PALM2AKAP2: variants seen among roughly 807,000 people sequenced by gnomAD.
The protein encoded by PALM2AKAP2 is PALM2-AKAP2 fusion protein.
A neutral mutation model predicts 71.5 loss-of-function variants in PALM2AKAP2; 37 were observed. The observed-to-expected ratio is 0.52, with a 90% confidence interval of 0.40 to 0.68. The LOEUF (loss-of-function observed/expected upper bound fraction) is 0.68, where lower values mean the gene tolerates loss of function less well. Among genes scored for constraint, PALM2AKAP2 ranks in the 30% least tolerant of loss-of-function variants. PALM2AKAP2 has a pLI of 0.00. For missense variants in PALM2AKAP2, 1,224 were observed against 1,191.8 expected, an observed-to-expected ratio of 1.03 and a Z score of -0.40; for synonymous variants, 468 against 478.8, an observed-to-expected ratio of 0.98 and a Z score of 0.29.
intron 1 of PALM2AKAP2, among the ~76,000 whole-genome samples, chr9:109,707,021 CTAAG>C (rs1564120194): frequency 2.0e-5 from 3 of 152,180 alleles, no homozygotes; most frequent in Admixed American, 6.5e-5. Context: ...GACTAGTACA[CTAAG>C]TGAGTGAGCT....
intron 1 of PALM2AKAP2, among the ~76,000 whole-genome samples, chr9:109,802,931 G>A (rs1384356600): frequency 6.7e-6 from 1 of 149,200 alleles, no homozygotes; most frequent in Non-Finnish European, 1.5e-5. Context: ...TGATGGATCA[G>A]GAAAGGTAGG....
chr9:109,696,515 AT>A (rs538789272), intron 1 of PALM2AKAP2, among the ~76,000 whole-genome samples: 6 of 152,198 alleles, frequency 3.9e-5, no homozygotes, highest in Non-Finnish European at 8.8e-5. Context: ...TTGGAGAGCA[AT>A]TTGGCAATAT....
chr9:109,783,507 C>G (rs1195374996), intron 1 of PALM2AKAP2, among the ~76,000 whole-genome samples: 1 of 152,060 alleles, frequency 6.6e-6, no homozygotes. Flanking sequence ...CCATGTTGCC[C>G]AGGCTGGTCT....
intron 3 of PALM2AKAP2, among the ~76,000 whole-genome samples, chr9:109,886,206 G>C (rs1829961049): frequency 6.6e-6 from 1 of 152,068 alleles, no homozygotes; most frequent in African/African-American, 2.4e-5. Context: ...ATTGTTTCTG[G>C]CTTGGGCCCA....
At chr9:109,705,012 C>T (rs1436641189) in intron 1 of PALM2AKAP2, among the ~76,000 whole-genome samples, 2 of 152,286 alleles carry the variant, frequency 1.3e-5, no homozygotes, top group African/African-American at 4.8e-5. Flanking sequence ...TTCCTAACTA[C>T]ATCTGGAAAA....
chr9:109,642,879 T>C (rs1287949824), intron 1 of PALM2AKAP2, among the ~76,000 whole-genome samples: 2 of 147,748 alleles, frequency 1.4e-5, no homozygotes, highest in Non-Finnish European at 3.0e-5. Context: ...AAGAAATACA[T>C]GGTGTGGTGG....
At chr9:109,962,086 G>A (rs139213466) in intron 6 of PALM2AKAP2, among the ~76,000 whole-genome samples, 392 of 152,314 alleles carry the variant, frequency 2.6e-3, no homozygotes, top group African/African-American at 8.7e-3. Flanking sequence ...TCCAACAACA[G>A]CCAAGAAGCA....
chr9:109,943,604 A>G, intron 6 of PALM2AKAP2: 2 of 792,198 alleles, frequency 2.5e-6, no homozygotes, highest in Non-Finnish European at 4.0e-6. Context: ...GACAACGTGC[A>G]TGTGTGTGCT....
rs1414268640 is a variant in PALM2AKAP2 at position 109,974,366 on chromosome 9, G to A, written c.497-41588G>A. Reference sequence around the variant, plus strand: ...TGGCAGGAACCTACCATGTGCTTCCGACTAGTGAGTCTGACCCAAAGCCCT... The same window carrying A: ...TGGCAGGAACCTACCATGTGCTTCCAACTAGTGAGTCTGACCCAAAGCCCT... On this transcript the variant is annotated intron_variant, in intron 6 of 9. Transcript: ENST00000302798. Among the ~76,000 whole-genome samples the A allele has an allele frequency of 2.0e-5, 3 of 152,124 alleles. No individual in the cohort carries two copies. The East Asian group carries it at 5.8e-4, about 29-fold the overall frequency.
chr9:110,145,265 A>C (rs1836135723), intron 2 of PALM2AKAP2, among the ~76,000 whole-genome samples: 1 of 152,150 alleles, frequency 6.6e-6, no homozygotes, highest in South Asian at 2.1e-4. Context: ...CCAATGCCCC[A>C]AATTACAGTA....
chr9:110,127,035 G>A (rs914355), intron 1 of PALM2AKAP2, among the ~76,000 whole-genome samples: 42,580 of 151,990 alleles, frequency 0.28, 6,169 homozygotes, highest in Middle Eastern at 0.36. Flanking sequence ...TTTTCATCCC[G>A]TCTTCAGACC....
intron 1 of PALM2AKAP2, among the ~76,000 whole-genome samples, chr9:109,643,303 C>T (rs1427320771): frequency 1.3e-5 from 2 of 152,212 alleles, no homozygotes; most frequent in African/African-American, 4.8e-5. Context: ...GGAGACTGTC[C>T]TTTACAAGAG....
At chr9:110,080,845 A>G (rs1834434192) in intron 1 of PALM2AKAP2, among the ~76,000 whole-genome samples, 1 of 152,080 alleles carries the variant, frequency 6.6e-6, no homozygotes, top group South Asian at 2.1e-4. Context: ...TGACCAGCTA[A>G]TATTTTGTAT....
At chr9:109,902,296 A>G (rs1487353553) in intron 3 of PALM2AKAP2, among the ~76,000 whole-genome samples, 1 of 152,228 alleles carries the variant, frequency 6.6e-6, no homozygotes, top group Non-Finnish European at 1.5e-5. Context: ...GTGAGTTCCC[A>G]GCTTCTATAG....
At chr9:109,653,386 C>A (rs1159303884) in intron 1 of PALM2AKAP2, among the ~76,000 whole-genome samples, 2 of 152,214 alleles carry the variant, frequency 1.3e-5, no homozygotes, top group Non-Finnish European at 2.9e-5. Flanking sequence ...AGCCTCTGAA[C>A]CTCTGAAAGG....
chr9:109,693,164 C>T (rs1000700871), intron 1 of PALM2AKAP2, among the ~76,000 whole-genome samples: 1 of 151,704 alleles, frequency 6.6e-6, no homozygotes, highest in Non-Finnish European at 1.5e-5. Context: ...TAGATATAGG[C>T]CTATAGGTTA....
At chr9:109,847,272 C>A (rs1288641173) in intron 1 of PALM2AKAP2, among the ~76,000 whole-genome samples, 1 of 152,090 alleles carries the variant, frequency 6.6e-6, no homozygotes, top group Non-Finnish European at 1.5e-5. Flanking sequence ...GAAGGCAATG[C>A]GATCACCACT....
At chr9:110,104,769 GAATTCTACTTTGTGT>G (rs1193989834) in intron 1 of PALM2AKAP2, among the ~76,000 whole-genome samples, 1 of 152,196 alleles carries the variant, frequency 6.6e-6, no homozygotes, top group Non-Finnish European at 1.5e-5. Flanking sequence ...TTCAAACCTT[GAATTCTACTTTGTGT>G]AATTATCTGT....
intron 1 of PALM2AKAP2, among the ~76,000 whole-genome samples, chr9:109,716,072 GAAGT>G (rs934892626): frequency 2.0e-5 from 3 of 152,200 alleles, no homozygotes; most frequent in African/African-American, 7.2e-5. Flanking sequence ...AGCCAAAGAA[GAAGT>G]AAGATTTTAA....
Sources: gnomAD v4.1 joint callset for allele counts (sites outside exome capture counted in the v4.1 genomes callset) on GRCh38, gnomAD v4.1.1 for gene constraint, MANE v1.5 for transcripts, NCBI Gene and HGNC (gene_info 2026-07-23, HGNC 2026-07-21) for gene names.